Variants in AR observed in about 807,000 individuals in gnomAD.
AR encodes the protein dihydrotestosterone receptor.
In AR, 8 loss-of-function variants were observed where a neutral mutation model predicts 53.9. The ratio of observed to expected loss-of-function variants is 0.15; its 90% CI spans 0.09 to 0.27. AR has a LOEUF of 0.27. Ranked by LOEUF, AR falls within the 10% of genes least tolerant of loss-of-function variation. AR has a pLI of 1.00. For missense variants in AR, 639 were observed against 742.5 expected (o/e 0.86, Z 1.62); for synonymous variants, 359 against 316.4 (o/e 1.13, Z -1.43).
chrX:67,652,928 A>T (rs951896796), intron 2 of AR, among the ~76,000 whole-genome samples: 1 of 112,163 alleles, frequency 8.9e-6, no homozygotes, highest in Non-Finnish European at 1.9e-5. Context: ...GAGCATATTC[A>T]TAGCTTTTAC....
chrX:67,598,719 G>T (rs1923197844), intron 1 of AR, among the ~76,000 whole-genome samples: 1 of 110,846 alleles, frequency 9.0e-6, no homozygotes, highest in African/African-American at 3.3e-5. Context: ...GAATTACTGG[G>T]CTCCAGAAGC....
At chrX:67,694,760 A>G (rs1602261260) in intron 3 of AR, 2 of 1,152,625 alleles carry the variant, frequency 1.7e-6, no homozygotes, top group Non-Finnish European at 2.3e-6. Flanking sequence ...TGAGGGCTCT[A>G]GAGGGCTCTA....
chrX:67,576,245 A>G (rs2767564), intron 1 of AR, among the ~76,000 whole-genome samples: 37,742 of 110,200 alleles, frequency 0.34, 8,945 homozygotes, highest in African/African-American at 0.86. Flanking sequence ...GGTTAGATGC[A>G]GCTTTTACTT....
rs1043500216 is a variant in AR, at chrX:67,545,122, G to T, written c.-25G>T. 9 of 1,190,638 alleles carry T rather than the reference G, an allele frequency of 7.6e-6. No individual in the cohort carries two copies. In the East Asian group the frequency reaches 2.7e-4, roughly 35 times the overall value. On this transcript the variant is annotated 5_prime_UTR_variant, in exon 1 of 8. Transcript: ENST00000374690. ...AGGGGAGGCGGGGTAAGGGAAGTAGGTGGAAGATTCAGCCAAGCTCAAGGA... is the reference window on the plus strand; with the variant it reads ...AGGGGAGGCGGGGTAAGGGAAGTAGTTGGAAGATTCAGCCAAGCTCAAGGA...
At chrX:67,649,560 C>T (rs746806171) in intron 2 of AR, among the ~76,000 whole-genome samples, 1 of 112,044 alleles carries the variant, frequency 8.9e-6, no homozygotes, top group African/African-American at 3.2e-5. Context: ...TTTTAATGAT[C>T]GCCATTCTAA....
intron 1 of AR, among the ~76,000 whole-genome samples, chrX:67,627,287 C>A (rs1324620441): frequency 9.0e-6 from 1 of 111,560 alleles, no homozygotes; most frequent in Admixed American, 9.5e-5. Flanking sequence ...TCCTCTCCAG[C>A]ACCTGTTGTT....
intron 1 of AR, among the ~76,000 whole-genome samples, chrX:67,629,890 T>C (rs1469164122): frequency 9.0e-6 from 1 of 111,449 alleles, no homozygotes; most frequent in African/African-American, 3.3e-5. Context: ...TTCATTTCGT[T>C]ATGTACCCAG....
At chrX:67,622,320 G>GA (rs112324202) in intron 1 of AR, among the ~76,000 whole-genome samples, 7,622 of 107,902 alleles carry the variant, frequency 0.071, 701 homozygotes, top group African/African-American at 0.24. Context: ...AAAGCCATTG[G>GA]AAAAAAAAAA....
chrX:67,665,161 C>T (rs562203587), intron 2 of AR, among the ~76,000 whole-genome samples: 1 of 112,704 alleles, frequency 8.9e-6, no homozygotes, highest in East Asian at 2.8e-4. Context: ...GAGATGAACC[C>T]GGTACCTCAG....
intron 1 of AR, among the ~76,000 whole-genome samples, chrX:67,632,165 A>C (rs1295987179): frequency 1.8e-5 from 2 of 112,977 alleles, no homozygotes; most frequent in Admixed American, 1.9e-4. Context: ...GGTGGGCTCC[A>C]CCCAGTTCGA....
chrX:67,665,113 A>G (rs1927196362), intron 2 of AR, among the ~76,000 whole-genome samples: 1 of 112,575 alleles, frequency 8.9e-6, no homozygotes, highest in Non-Finnish European at 1.9e-5. Flanking sequence ...GGTGCGCTGC[A>G]CCCACTGTCC....
chrX:67,685,873 G>A, intron 2 of AR, 137 bp from the exon 3 acceptor site: 2 of 919,438 alleles, frequency 2.2e-6, no homozygotes, highest in Non-Finnish European at 3.0e-6. Context: ...TGATCAAATT[G>A]TTTGGTGCCA....
intron 1 of AR, among the ~76,000 whole-genome samples, chrX:67,620,143 C>A (rs1253001150): frequency 9.0e-6 from 1 of 111,080 alleles, no homozygotes; most frequent in Non-Finnish European, 1.9e-5. Flanking sequence ...TATCTTCCTT[C>A]TTTTGGGTTT....
intron 2 of AR, among the ~76,000 whole-genome samples, chrX:67,678,027 A>G (rs2075910805): frequency 9.0e-6 from 1 of 111,399 alleles, no homozygotes; most frequent in South Asian, 3.8e-4. Flanking sequence ...ACACTGATTC[A>G]TGGTGTGATC....
chrX:67,684,014 A>G (rs2075951965), intron 2 of AR, among the ~76,000 whole-genome samples: 1 of 112,219 alleles, frequency 8.9e-6, no homozygotes, highest in Non-Finnish European at 1.9e-5. Flanking sequence ...ACTAGGGTCC[A>G]AGAAAGTATT....
At chrX:67,633,605 C>T (rs1032828137) in intron 1 of AR, among the ~76,000 whole-genome samples, 1 of 112,204 alleles carries the variant, frequency 8.9e-6, no homozygotes, top group African/African-American at 3.2e-5. Context: ...ATGTTCATTG[C>T]AGCATTATTT....
intron 2 of AR, among the ~76,000 whole-genome samples, chrX:67,682,657 CT>C (rs907774691): frequency 1.8e-5 from 2 of 111,158 alleles, no homozygotes; most frequent in African/African-American, 6.5e-5. Flanking sequence ...GTTAAGAACT[CT>C]GATAGCCTCA....
At chrX:67,642,058 A>G (rs757335399) in intron 1 of AR, among the ~76,000 whole-genome samples, 1 of 111,292 alleles carries the variant, frequency 9.0e-6, no homozygotes, top group Non-Finnish European at 1.9e-5. Context: ...TGAGAAAATA[A>G]GCTTGTCTTC....
At chrX:67,636,119 T>G (rs1027872777) in intron 1 of AR, among the ~76,000 whole-genome samples, 22 of 111,628 alleles carry the variant, frequency 2.0e-4, no homozygotes, top group African/African-American at 7.2e-4. Context: ...CCTATTAGAA[T>G]GGAAGCTCTG....
Sources: gnomAD v4.1 joint callset for allele counts (sites outside exome capture counted in the v4.1 genomes callset) on GRCh38, gnomAD v4.1.1 for gene constraint, MANE v1.5 for transcripts, NCBI Gene and HGNC (gene_info 2026-07-23, HGNC 2026-07-21) for gene names.